Variants in TARM1 observed in about 807,000 individuals in gnomAD.
TARM1 encodes the protein T-cell-interacting, activating receptor on myeloid cells protein 1.
A neutral mutation model predicts 30.4 loss-of-function variants in TARM1; 24 were observed. The observed-to-expected ratio is 0.79, with a 90% CI of 0.57 to 1.11. The LOEUF (loss-of-function observed/expected upper bound fraction) is 1.11. Among genes scored for constraint, TARM1 ranks in the 50% least tolerant of loss-of-function variants. The pLI, the probability that TARM1 is intolerant of heterozygous loss-of-function variation, is 0.00. For synonymous variants in TARM1, 129 were observed against 138.9 expected (o/e 0.93, Z 0.50); for missense variants, 323 against 332.8 (o/e 0.97, Z 0.23).
In TARM1 at chr19:54,073,909, C is replaced by T. The variant is rs1225288032; in HGVS notation, c.658+11G>A. ...ACACACACAGTTCCTCAAAACCATA[C>T]ACGCCCTTACCTGTCACCAATATCT... On this transcript the variant is annotated intron_variant, in intron 4 of 4. Transcript: ENST00000432826. 2.6e-6 allele frequency: 4 copies of T among 1,549,360 alleles called. No homozygotes were observed. The highest frequency in any genetic ancestry group is 3.5e-6 in the Non-Finnish European group (4 of 1,145,178).
intron 4 of TARM1, among the ~76,000 whole-genome samples, chr19:54,071,015 C>G (rs971001767): frequency 6.6e-6 from 1 of 151,754 alleles, no homozygotes; most frequent in Admixed American, 6.6e-5. Context: ...TGGAGTGCAG[C>G]GACGCAGTCT....
At chr19:54,080,399 A>G (rs1295555748) in intron 1 of TARM1, among the ~76,000 whole-genome samples, 3 of 146,440 alleles carry the variant, frequency 2.0e-5, no homozygotes, top group Non-Finnish European at 4.5e-5. Flanking sequence ...CGGAGCTTGC[A>G]GTGAGCAGAG....
intron 1 of TARM1, among the ~76,000 whole-genome samples, chr19:54,080,000 C>A (rs1328304067): frequency 1.6e-5 from 1 of 63,100 alleles, no homozygotes; most frequent in Non-Finnish European, 2.9e-5. Flanking sequence ...GAGACTTTGT[C>A]TCAAAAAAAG....
Position 54,074,929 on chromosome 19 carries a change from T to C in TARM1, c.256A>G (p.Asn86Asp). ...TCTCCAGCATTTCTGACTTTTAGAT[T>C]ATTGAGGTGAAATTCGGCCGCGCCC... ...TEGAAEFHLNNLKVRNAGEYT... is the reference protein window; with the variant it reads ...TEGAAEFHLNDLKVRNAGEYT... The change falls in exon 3 of 5, where the codon AAT becomes GAT. Residue 86 changes from asparagine to aspartate, a missense_variant. Coordinates refer to ENST00000432826, the MANE Select transcript of TARM1 (RefSeq NM_001135686.3). 3 of 1,551,568 alleles carry C rather than the reference T, an allele frequency of 1.9e-6. No individual in the cohort carries two copies. Among genetic ancestry groups the C allele is most frequent in the African/African-American group, 1.4e-5 (1 of 73,138 alleles).
At chr19:54,078,589 G>T (rs953619598) in intron 1 of TARM1, among the ~76,000 whole-genome samples, 2 of 151,834 alleles carry the variant, frequency 1.3e-5, no homozygotes, top group Non-Finnish European at 2.9e-5. Context: ...CTATTGGCCA[G>T]GCTGTTCTCG....
intron 4 of TARM1, among the ~76,000 whole-genome samples, chr19:54,070,741 C>A (rs752704991): frequency 2.1e-4 from 32 of 149,970 alleles, no homozygotes; most frequent in Non-Finnish European, 2.8e-4. Flanking sequence ...GCCTCCCAAG[C>A]AGCTGAGATT....
intron 1 of TARM1, among the ~76,000 whole-genome samples, chr19:54,079,357 G>A (rs963249845): frequency 4.6e-5 from 7 of 151,912 alleles, no homozygotes; most frequent in East Asian, 1.9e-4. Flanking sequence ...AGGGTGTAGC[G>A]TTCATATTGG....
At chr19:54,072,795 G>A (rs1324450802) in intron 4 of TARM1, among the ~76,000 whole-genome samples, 1 of 151,884 alleles carries the variant, frequency 6.6e-6, no homozygotes, top group Non-Finnish European at 1.5e-5. Flanking sequence ...TGGTCAACAT[G>A]GTCAGAACCC....
intron 1 of TARM1, among the ~76,000 whole-genome samples, chr19:54,078,677 A>G (rs587681532): frequency 2.6e-4 from 38 of 147,204 alleles, no homozygotes; most frequent in African/African-American, 8.8e-4. Flanking sequence ...TCATTTTTGT[A>G]TTTTTTGTAG....
chr19:54,076,136 G>C, intron 1 of TARM1: 1 of 1,477,338 alleles, frequency 6.8e-7, no homozygotes, highest in Non-Finnish European at 8.9e-7. Context: ...ATCCTGTGTG[G>C]CTGTCACCTC....
intron 1 of TARM1, chr19:54,076,389 G>A: frequency 4.6e-6 from 1 of 215,202 alleles, no homozygotes; most frequent in Non-Finnish European, 7.4e-6. Context: ...CAGAGACAGA[G>A]TTGCGCTCTG....
intron 4 of TARM1, among the ~76,000 whole-genome samples, chr19:54,071,918 T>C (rs1208827840): frequency 6.6e-6 from 1 of 151,290 alleles, no homozygotes; most frequent in Non-Finnish European, 1.5e-5. Flanking sequence ...ATTGGCCAGG[T>C]GCAGTGGCTC....
At chr19:54,070,193 C>T in intron 4 of TARM1, 33 bp from the exon 5 acceptor site, 23 of 1,543,184 alleles carry the variant, frequency 1.5e-5, no homozygotes, top group Non-Finnish European at 2.0e-5. Context: ...CACTGACCCT[C>T]AGAGGGTATC....
chr19:54,074,810 C>T lies in TARM1; in HGVS notation c.361+14G>A. On this transcript the variant is annotated intron_variant, in intron 3 of 4. Transcript: ENST00000432826. ...CTGTCCCCCGTATGTCATTGGCAGG[C>T]ACCCTGTCTGTACCTGTCACCAACA... is the stretch of plus-strand genomic sequence containing the variant. 1 of 1,547,924 alleles carries T rather than the reference C, an allele frequency of 6.5e-7. No individual in the cohort carries two copies. Among genetic ancestry groups the T allele is most frequent in the South Asian group, 1.2e-5 (1 of 83,890 alleles).
intron 3 of TARM1, among the ~76,000 whole-genome samples, chr19:54,074,587 G>A (rs1304681037): frequency 1.3e-5 from 2 of 152,202 alleles, no homozygotes; most frequent in African/African-American, 4.8e-5. Flanking sequence ...GGAGGCTGGA[G>A]CAGGAGAATC....
At chr19:54,074,305 G>A (rs1568503752) in intron 3 of TARM1, 89 bp from the exon 4 acceptor site, 1 of 1,260,782 alleles carries the variant, frequency 7.9e-7, no homozygotes, top group South Asian at 1.4e-5. Flanking sequence ...CTCTCGTGGA[G>A]TGTGGGAAAT....
Position 54,074,177 on chromosome 19 carries a change from C to A in TARM1, c.401G>T (p.Gly134Val), listed in dbSNP as rs2071885560. ...CACCCTTCCACCTGCGGTCACTGTA[C>A]CCCTTTGGTAGGTTCGGAGGAAAGG... ...SKPFLRTYQR[G>V]TVTAGGRVTL... Residue 134 changes from glycine (G) to valine (V), a missense_variant, in exon 4 of 5, where the codon GGT becomes GTT. Transcript: ENST00000432826. 6.4e-7 allele frequency: 1 copy of A among 1,551,678 alleles called. No homozygotes were observed. Among genetic ancestry groups the A allele is most frequent in the Non-Finnish European group, 8.7e-7 (1 of 1,146,986 alleles).
intron 2 of TARM1, among the ~76,000 whole-genome samples, chr19:54,075,491 T>A (rs1393190308): frequency 2.7e-5 from 4 of 149,324 alleles, no homozygotes; most frequent in African/African-American, 9.8e-5. Flanking sequence ...CAATCAGGAA[T>A]CCCATTTTAA....
intron 1 of TARM1, chr19:54,076,346 C>CA (rs2071955084): frequency 1.1e-5 from 9 of 847,246 alleles, no homozygotes; most frequent in African/African-American, 3.6e-5. Flanking sequence ...TTCTTTCTTT[C>CA]TTTCATTCAT....
Sources: gnomAD v4.1 joint callset for allele counts (sites outside exome capture counted in the v4.1 genomes callset) on GRCh38, gnomAD v4.1.1 for gene constraint, MANE v1.5 for transcripts, NCBI Gene and HGNC (gene_info 2026-07-23, HGNC 2026-07-21) for gene names.